TMPO: variants seen among roughly 807,000 people sequenced by gnomAD.
TMPO encodes thymopoietin.
In TMPO, 22 loss-of-function variants were observed where a neutral mutation model predicts 45.4. The ratio of observed to expected loss-of-function variants is 0.48; its 90% CI spans 0.35 to 0.69. The LOEUF (loss-of-function observed/expected upper bound fraction) is 0.69. Among genes scored for constraint, TMPO ranks in the 30% least tolerant of loss-of-function variants. TMPO has a pLI of 0.01. For missense variants in TMPO, 512 were observed against 548.8 expected (o/e 0.93, Z 0.67); for synonymous variants, 241 against 204.1 (o/e 1.18, Z -1.54).
chr12:98,516,865 A>G (rs1407786867), intron 1 of TMPO, among the ~76,000 whole-genome samples: 1 of 152,150 alleles, frequency 6.6e-6, no homozygotes, highest in Non-Finnish European at 1.5e-5. Context: ...GCTGGAGTGC[A>G]ATGGCGAGAT....
chr12:98,547,958 G>A lies in TMPO; in HGVS notation c.*100G>A. The A allele has an allele frequency of 7.5e-7, 1 of 1,326,754 alleles. No homozygotes were observed. Among genetic ancestry groups the A allele is most frequent in the Non-Finnish European group, 1.1e-6 (1 of 946,304 alleles). 82.2% of individuals were successfully genotyped at this position (1,326,754 alleles called of 1,614,324 possible). On this transcript the variant is annotated 3_prime_UTR_variant, in exon 9 of 9. Coordinates refer to ENST00000556029, the MANE Select transcript of TMPO (RefSeq NM_001032283.3). ...TGACTCCAAGAACTAAAAATAATGT[G>A]ATTTCGCCTCAATAAATGTAGTATT...
rs200565419 is a variant in TMPO, at chr12:98,529,572, A to AT, written c.406+1571dup. Among the ~76,000 whole-genome samples the AT allele has an allele frequency of 2.2e-3, 330 of 148,432 alleles. 1 individual carries two copies. Among genetic ancestry groups the AT allele is most frequent in the African/African-American group, 6.7e-3 (271 of 40,656 alleles). ...GATGAGAAAATTCCATTTTATTATTATTTTTTTTTTTGACAAGGTCTTTGC... is the reference window on the plus strand; with the variant it reads ...GATGAGAAAATTCCATTTTATTATTATTTTTTTTTTTTGACAAGGTCTTTGC... On this transcript the variant is annotated intron_variant, in intron 2 of 8. Transcript: ENST00000556029.
Position 98,547,566 on chromosome 12 carries a change from C to G in TMPO, c.1080-7C>G. On this transcript the variant is annotated splice_region_variant and splice_polypyrimidine_tract_variant and intron_variant, in intron 8 of 8. Transcript: ENST00000556029. ...TATTTTTCTTTTCCTCCTTTCACTC[C>G]CAACAGTGCTAGTTGCCGCAGACCA... The G allele has an allele frequency of 6.2e-7, 1 of 1,614,030 alleles. No individual in the cohort carries two copies. Among genetic ancestry groups the G allele is most frequent in the Non-Finnish European group, 8.5e-7 (1 of 1,179,960 alleles).
intron 4 of TMPO, among the ~76,000 whole-genome samples, chr12:98,537,943 T>A (rs1410167674): frequency 6.6e-6 from 1 of 152,204 alleles, no homozygotes; most frequent in Non-Finnish European, 1.5e-5. Context: ...GATTTCTGAC[T>A]TTGATTTTAT....
At chr12:98,521,930 G>A (rs1424054371) in intron 1 of TMPO, among the ~76,000 whole-genome samples, 1 of 152,124 alleles carries the variant, frequency 6.6e-6, no homozygotes, top group East Asian at 1.9e-4. Flanking sequence ...GTTTCACCAT[G>A]TTGGTCAGGC....
chr12:98,522,337 A>T (rs919834377), intron 1 of TMPO, among the ~76,000 whole-genome samples: 1 of 152,146 alleles, frequency 6.6e-6, no homozygotes, highest in Non-Finnish European at 1.5e-5. Flanking sequence ...CTCAATAGGA[A>T]ATATTTGAAG....
intron 1 of TMPO, among the ~76,000 whole-genome samples, chr12:98,520,031 C>T (rs1180977056): frequency 6.6e-6 from 1 of 151,796 alleles, no homozygotes. Context: ...GTGATGTCAG[C>T]TCACTGCAAC....
In TMPO at chr12:98,515,677, C is replaced by A; in HGVS notation, c.-191C>A. On this transcript the variant is annotated 5_prime_UTR_variant, in exon 1 of 9. Transcript: ENST00000556029. ...TGGCCGCAGTTGGTTCGTAGTTCGG[C>A]TCTGGGGTCTTTTGTGTCCGGGTCT... is the stretch of plus-strand genomic sequence containing the variant. The A allele has an allele frequency of 8.0e-7, 1 of 1,250,992 alleles. No individual in the cohort carries two copies. The highest frequency in any genetic ancestry group is 1.1e-6 in the Non-Finnish European group (1 of 913,122). 77.5% of individuals were successfully genotyped at this position (1,250,992 alleles called of 1,614,324 possible). A position where few individuals can be genotyped will look rare whatever the true frequency, so the allele number is the denominator to read the frequency against.
chr12:98,533,896 G>A, intron 3 of TMPO: 1 of 1,614,150 alleles, frequency 6.2e-7, no homozygotes, highest in Non-Finnish European at 8.5e-7. Context: ...TATTTCTGAA[G>A]CCACTCCACT....
intron 7 of TMPO, among the ~76,000 whole-genome samples, chr12:98,545,415 C>G (rs539848702): frequency 6.6e-6 from 1 of 151,898 alleles, no homozygotes; most frequent in East Asian, 1.9e-4. Flanking sequence ...CTTTTGTTGA[C>G]GGGTCAAATA....
intron 3 of TMPO, chr12:98,532,110 T>C: frequency 2.6e-6 from 1 of 381,540 alleles, no homozygotes; most frequent in Non-Finnish European, 4.8e-6. Context: ...GAATAAAGTA[T>C]TACAAGTAAA....
chr12:98,516,162 C>A lies in TMPO; in HGVS notation c.279+16C>A. On this transcript the variant is annotated intron_variant, in intron 1 of 8. Coordinates refer to ENST00000556029, the MANE Select transcript of TMPO (RefSeq NM_001032283.3). ...CGTCGGCAGGGTAAGGACGCGGGGC[C>A]GGGGCTACAAAGGCGGGCGTTTGGC... 7.3e-7 allele frequency: 1 copy of A among 1,375,482 alleles called. No individual in the cohort carries two copies. Among genetic ancestry groups the A allele is most frequent in the Non-Finnish European group, 9.3e-7 (1 of 1,071,272 alleles). The allele number at this position is 1,375,482 out of a possible 1,614,324, so 85.2% of individuals were successfully genotyped here. A position where few individuals can be genotyped will look rare whatever the true frequency, so the allele number is the denominator to read the frequency against.
At chr12:98,547,305 C>T (rs1878283554) in intron 8 of TMPO, among the ~76,000 whole-genome samples, 3 of 152,180 alleles carry the variant, frequency 2.0e-5, no homozygotes, top group Admixed American at 2.0e-4. Context: ...GAACTCCTGA[C>T]CTCAGGTGAT....
rs1878313296 is a variant in TMPO at position 98,547,754 on chromosome 12, G to T, written c.1261G>T (p.Val421Phe). 2.5e-6 allele frequency: 4 copies of T among 1,614,170 alleles called. No homozygotes were observed. Among genetic ancestry groups the T allele is most frequent in the Non-Finnish European group, 3.4e-6 (4 of 1,180,030 alleles). The change falls in exon 9 of 9, where the codon GTT (valine) becomes TTT (phenylalanine). Residue 421 changes from valine to phenylalanine, a missense_variant. Physicochemically the swap from Val to Phe is conservative, Grantham distance 50. This residue lies in a region of TMPO where 209 missense variants were observed against 235.1 expected (regional missense o/e 0.89). Transcript: ENST00000556029. ...CGTATGGATAAAAATTTTGCTGTTTGTTGTTGTGGCAGTTTTTTTGTTTTT... is the reference window on the plus strand; with the variant it reads ...CGTATGGATAAAAATTTTGCTGTTTTTTGTTGTGGCAGTTTTTTTGTTTTT... Reference protein sequence around the residue: ...IPVWIKILLFVVVAVFLFLVY... With the variant: ...IPVWIKILLFFVVAVFLFLVY...
In TMPO at chr12:98,550,196, G is replaced by A. The variant is rs371446465; in HGVS notation, c.*2338G>A. 19 of 152,234 alleles carry A rather than the reference G, an allele frequency of 1.2e-4. 3 individuals are homozygous for A. The highest frequency in any genetic ancestry group is 2.0e-4 in the Admixed American group (3 of 15,292). The allele number at this position is 152,234 out of a possible 1,614,324, so 9.4% of individuals were successfully genotyped here. On this transcript the variant is annotated 3_prime_UTR_variant, in exon 9 of 9. Transcript: ENST00000556029. The stretch of plus-strand genomic sequence containing the variant: ...TGTACTTGGTCTTTTGTGTGTGTCT[G>A]TTTTATTCCATTAGAATAAATGTGT...
chr12:98,533,487 G>C, intron 3 of TMPO: 1 of 1,614,148 alleles, frequency 6.2e-7, no homozygotes, highest in South Asian at 1.1e-5. Context: ...ACATACAGAA[G>C]AGAATTGATC....
At chr12:98,533,141 C>T (rs1264268277) in intron 3 of TMPO, 2 of 1,614,050 alleles carry the variant, frequency 1.2e-6, no homozygotes, top group Admixed American at 1.7e-5. Flanking sequence ...TCTTCGTCAT[C>T]TTCTCAGCCT....
Position 98,515,733 on chromosome 12 carries a change from C to G in TMPO, c.-135C>G. The G allele has an allele frequency of 2.6e-6, 4 of 1,521,290 alleles. No individual in the cohort carries two copies. The highest frequency in any genetic ancestry group is 3.5e-6 in the Non-Finnish European group (4 of 1,133,272). The allele number at this position is 1,521,290 out of a possible 1,614,324, so 94.2% of individuals were successfully genotyped here. ...GGCTTTGTGTCCGCGAGTTTTTGTT[C>G]CGCTCCGCAGCGCTCTTCCCGGGCA... On this transcript the variant is annotated 5_prime_UTR_variant, in exon 1 of 9. Transcript: ENST00000556029.
At position 98,533,212 on chromosome 12, in the gene TMPO, A is replaced by G. The variant is rs760685984; in HGVS notation, c.565+1374A>G. ...TCCTTCACTGATTAAAGAAACCACC[A>G]CTGGTTACTATAAAGACATAGTAGA... is the stretch of plus-strand genomic sequence containing the variant. On this transcript the variant is annotated intron_variant, in intron 3 of 8. Coordinates refer to ENST00000556029, the MANE Select transcript of TMPO (RefSeq NM_001032283.3). 10 of 1,614,060 alleles carry G rather than the reference A, an allele frequency of 6.2e-6. 1 individual carries two copies. In the South Asian group the frequency reaches 1.1e-4, roughly 18 times the overall value.
Sources: gnomAD v4.1 joint callset for allele counts (sites outside exome capture counted in the v4.1 genomes callset) on GRCh38, gnomAD v4.1.1 for gene constraint, gnomAD v4.1.1 regional missense constraint, MANE v1.5 for transcripts, NCBI Gene and HGNC (gene_info 2026-07-23, HGNC 2026-07-21) for gene names.